COMMD1: variants seen among roughly 807,000 people sequenced by gnomAD.
COMMD1 encodes the protein copper metabolism domain containing 1.
COMMD1 carries 10 observed loss-of-function variants against 17.2 expected under a neutral mutation model. The observed-to-expected ratio is 0.58, with a 90% CI of 0.36 to 0.99. COMMD1 has a LOEUF of 0.99. Among genes scored for constraint, COMMD1 ranks in the 50% least tolerant of loss-of-function variants. The probability of loss-of-function intolerance (pLI) is 0.01; values close to 1 mark genes in which losing one functional copy is unlikely to be tolerated. For synonymous variants in COMMD1, 97 were observed against 91.6 expected (o/e 1.06, Z -0.34); for missense variants, 270 against 231.8 (o/e 1.17, Z -1.07).
intron 2 of COMMD1, among the ~76,000 whole-genome samples, chr2:62,027,654 A>ATGTTG (rs879706223): frequency 2.2e-5 from 1 of 45,660 alleles, no homozygotes; most frequent in East Asian, 7.6e-4. Flanking sequence ...ATGTTATGTT[A>ATGTTG]TGTTGTGTTA....
intron 2 of COMMD1, among the ~76,000 whole-genome samples, chr2:62,115,735 G>A (rs563049336): frequency 3.3e-4 from 50 of 151,996 alleles, no homozygotes; most frequent in African/African-American, 1.2e-3. Flanking sequence ...GTGAGAGAAC[G>A]ATTGACAAAG....
At chr2:61,896,873 G>T (rs1464201312) in intron 1 of COMMD1, among the ~76,000 whole-genome samples, 1 of 149,100 alleles carries the variant, frequency 6.7e-6, no homozygotes, top group Non-Finnish European at 1.5e-5. Flanking sequence ...GCCCAGGCTG[G>T]AGTGCAGTGG....
chr2:62,059,250 G>A (rs1670790421), intron 2 of COMMD1, among the ~76,000 whole-genome samples: 1 of 150,288 alleles, frequency 6.7e-6, no homozygotes. Flanking sequence ...CTACCTCCTG[G>A]GCTAAGTGAT....
At chr2:62,002,161 A>C (rs2103807692) in intron 2 of COMMD1, among the ~76,000 whole-genome samples, 1 of 150,224 alleles carries the variant, frequency 6.7e-6, no homozygotes, top group East Asian at 2.0e-4. Flanking sequence ...TAAGAGCGAA[A>C]CTCTGTCTCA....
intron 1 of COMMD1, among the ~76,000 whole-genome samples, chr2:61,923,384 A>G (rs1380176996): frequency 1.3e-5 from 2 of 152,154 alleles, no homozygotes; most frequent in African/African-American, 4.8e-5. Flanking sequence ...GAATATACAG[A>G]TGAGGAAAAC....
At chr2:62,120,952 C>T (rs1161347505) in intron 2 of COMMD1, among the ~76,000 whole-genome samples, 2 of 151,810 alleles carry the variant, frequency 1.3e-5, no homozygotes, top group Admixed American at 1.3e-4. Context: ...TCATGTTGCC[C>T]AGGCTGGTTG....
At chr2:62,115,516 A>G (rs1672567250) in intron 2 of COMMD1, among the ~76,000 whole-genome samples, 2 of 152,262 alleles carry the variant, frequency 1.3e-5, no homozygotes. Context: ...AAGAGTTATG[A>G]CATCTAAATC....
At chr2:62,007,595 A>C (rs1226921596) in intron 2 of COMMD1, among the ~76,000 whole-genome samples, 1 of 152,188 alleles carries the variant, frequency 6.6e-6, no homozygotes, top group Admixed American at 6.5e-5. Flanking sequence ...TAGTTACACA[A>C]ATATAATACT....
chr2:61,889,214 T>TTTTC, intron 1 of COMMD1, among the ~76,000 whole-genome samples: 1 of 130,728 alleles, frequency 7.6e-6, no homozygotes, highest in East Asian at 2.2e-4. Context: ...TTTTTTTTTT[T>TTTTC]TTTTTTTTTT....
intron 2 of COMMD1, among the ~76,000 whole-genome samples, chr2:62,026,435 A>G (rs1452402440): frequency 1.3e-5 from 2 of 152,134 alleles, no homozygotes; most frequent in East Asian, 1.9e-4. Context: ...TTCACTCACT[A>G]TGGTGAGGAC....
rs116059954 is a variant in COMMD1, at chr2:61,895,495, G to A, written n.119+6653G>A. Among the ~76,000 whole-genome samples the A allele has an allele frequency of 3.4e-3, 512 of 152,266 alleles. 2 individuals are homozygous for A. Among genetic ancestry groups the A allele is most frequent in the Non-Finnish European group, 4.9e-3 (332 of 68,024 alleles). On this transcript the variant is annotated intron_variant and non_coding_transcript_variant, in intron 1 of 2. Coordinates refer to the COMMD1 transcript ENST00000472729. ...AGACCATCTGCTTAGGGATCTGGAG[G>A]AGTCATAACTACTTGTGTCTCAGGT... is the stretch of plus-strand genomic sequence containing the variant.
chr2:62,129,956 A>G (rs1376821892), intron 2 of COMMD1, among the ~76,000 whole-genome samples: 2 of 152,142 alleles, frequency 1.3e-5, no homozygotes, highest in Non-Finnish European at 2.9e-5. Context: ...CGGGTGGATC[A>G]CGAGGTCAGG....
intron 1 of COMMD1, chr2:61,928,521 T>G (rs1670384110): frequency 6.6e-6 from 1 of 152,138 alleles, no homozygotes; most frequent in South Asian, 2.1e-4. Context: ...ATTTTTCAGT[T>G]TCGGAAAAGG....
chr2:62,081,558 A>AT (rs940310861), intron 2 of COMMD1, among the ~76,000 whole-genome samples: 18 of 149,828 alleles, frequency 1.2e-4, no homozygotes, highest in East Asian at 5.9e-4. Context: ...CCCAATCTAG[A>AT]TTTTTTTTTT....
At chr2:62,041,949 C>G (rs935806109) in intron 2 of COMMD1, among the ~76,000 whole-genome samples, 2 of 152,356 alleles carry the variant, frequency 1.3e-5, no homozygotes, top group Admixed American at 6.5e-5. Flanking sequence ...AGCTTCCACA[C>G]TGTGGAAGAG....
chr2:61,904,228 G>C (rs892174671), upstream of COMMD1, among the ~76,000 whole-genome samples: 3 of 151,922 alleles, frequency 2.0e-5, no homozygotes, highest in African/African-American at 7.3e-5. Flanking sequence ...AGCCAGGATG[G>C]TCTTGATCTC....
At chr2:61,889,557 G>A (rs1380191672) in intron 1 of COMMD1, among the ~76,000 whole-genome samples, 1 of 152,150 alleles carries the variant, frequency 6.6e-6, no homozygotes, top group African/African-American at 2.4e-5. Flanking sequence ...GCGAGGTGGG[G>A]TGGGCGCCGG....
At chr2:61,901,977 C>T (rs2105164796), upstream of COMMD1, among the ~76,000 whole-genome samples, 1 of 151,992 alleles carries the variant, frequency 6.6e-6, no homozygotes, top group Admixed American at 6.6e-5. Flanking sequence ...GGACTACAGG[C>T]ACGCGCCATC....
chr2:61,893,860 A>G (rs1383969586), intron 1 of COMMD1, among the ~76,000 whole-genome samples: 1 of 151,958 alleles, frequency 6.6e-6, no homozygotes, highest in Non-Finnish European at 1.5e-5. Flanking sequence ...GGCAAAAGAC[A>G]TGAGTGTTGT....
Sources: gnomAD v4.1 joint callset for allele counts (sites outside exome capture counted in the v4.1 genomes callset) on GRCh38, gnomAD v4.1.1 for gene constraint, MANE v1.5 for transcripts, NCBI Gene and HGNC (gene_info 2026-07-23, HGNC 2026-07-21) for gene names.